The following CUBN variants were observed in gnomAD, a reference collection of about 807,000 sequenced individuals.
The protein encoded by CUBN is cubilin.
In CUBN, 282 loss-of-function variants were observed where a neutral mutation model predicts 405.3. That is an observed-to-expected ratio of 0.70 (90% CI 0.63 to 0.77). CUBN has a LOEUF of 0.77. Among genes scored for constraint, CUBN ranks in the 30% least tolerant of loss-of-function variants. CUBN has a pLI of 0.00. For synonymous variants in CUBN, 1,684 were observed against 1,617.0 expected (o/e 1.04, Z -0.99); for missense variants, 4,514 against 4,475.2 (o/e 1.01, Z -0.25).
intron 4 of CUBN, 117 bp from the exon 5 acceptor site, chr10:17,123,806 C>G: frequency 1.4e-6 from 1 of 696,906 alleles, no homozygotes; most frequent in East Asian, 2.7e-5. Flanking sequence ...TCCTTCTACA[C>G]TTTAAAGCCA....
At chr10:17,058,129 A>AG (rs1285583807) in intron 22 of CUBN, among the ~76,000 whole-genome samples, 4 of 152,066 alleles carry the variant, frequency 2.6e-5, no homozygotes, top group African/African-American at 9.7e-5. Context: ...CAAAAAAAAA[A>AG]GAAGCCAGAC....
At chr10:16,889,778 T>G (rs1840937923) in intron 55 of CUBN, among the ~76,000 whole-genome samples, 1 of 151,546 alleles carries the variant, frequency 6.6e-6, no homozygotes, top group Admixed American at 6.6e-5. Context: ...GGCACACACC[T>G]GTAGTCCCAG....
intron 22 of CUBN, among the ~76,000 whole-genome samples, chr10:17,057,607 G>T (rs924981752): frequency 6.6e-6 from 1 of 151,976 alleles, no homozygotes; most frequent in African/African-American, 2.4e-5. Context: ...GGTATTTTAC[G>T]CAAGAGAATG....
chr10:16,934,289 T>C (rs1196877751), intron 39 of CUBN, among the ~76,000 whole-genome samples: 1 of 152,222 alleles, frequency 6.6e-6, no homozygotes, highest in Non-Finnish European at 1.5e-5. Flanking sequence ...TTAACAATTA[T>C]TTTTGCCATC....
chr10:16,852,355 C>G (rs1270269051), intron 59 of CUBN, among the ~76,000 whole-genome samples: 5 of 135,950 alleles, frequency 3.7e-5, no homozygotes, highest in East Asian at 2.7e-4. Flanking sequence ...CTCTATCTTT[C>G]CCTCCCTCCC....
chr10:16,962,436 A>G (rs1179501460), intron 31 of CUBN, among the ~76,000 whole-genome samples: 1 of 147,368 alleles, frequency 6.8e-6, no homozygotes, highest in Non-Finnish European at 1.5e-5. Context: ...AAATTTTCCA[A>G]CTGGAGATTG....
rs1283893957 is a variant in CUBN, at chr10:16,828,980, G to A, written c.10589C>T (p.Thr3530Ile). The change falls in exon 66 of 67, where the codon ACA (threonine) becomes ATA (isoleucine). Residue 3530 changes from threonine (T) to isoleucine (I), a missense_variant. Thr to Ile is a moderately conservative substitution (Grantham distance 89, BLOSUM62 -1). This residue lies in a region of CUBN where 1,186 missense variants were observed against 1,186.9 expected (regional missense o/e 1.00). Coordinates refer to ENST00000377833, the MANE Select transcript of CUBN (RefSeq NM_001081.4). ...CTCGCAGTACGTGTTGTTTGGGTAT[G>A]TGCCTGGATAGCCGGGGCTGGTGAA... ...GSFTSPGYPG[T>I]YPNNTYCEWV... is the part of the protein sequence containing the mutation. The A allele has an allele frequency of 6.2e-7, 1 of 1,614,194 alleles. No individual in the cohort carries two copies. Among genetic ancestry groups the A allele is most frequent in the South Asian group, 1.1e-5 (1 of 91,076 alleles).
At position 16,851,272 on chromosome 10, in the gene CUBN, G is replaced by T. The variant is rs751376621; in HGVS notation, c.9626C>A (p.Ala3209Glu). The T allele has an allele frequency of 8.7e-6, 14 of 1,614,066 alleles. No homozygotes were observed. The highest frequency in any genetic ancestry group is 1.1e-5 in the Non-Finnish European group (13 of 1,179,954). ...LTFNTFALEA[A>E]STRQRCLYDY... ...ATAAAGGCATCTTTGCCTAGTACTT[G>T]CTGCCTCCAGAGCAAATGTATTGAA... The change falls in exon 60 of 67, where the codon GCA becomes GAA. Residue 3209 changes from alanine (A) to glutamate (E), a missense_variant. Transcript: ENST00000377833.
chr10:17,093,896 A>C (rs149789284), intron 14 of CUBN, among the ~76,000 whole-genome samples: 2 of 152,150 alleles, frequency 1.3e-5, no homozygotes, highest in Non-Finnish European at 2.9e-5. Context: ...GAAGGCAAGA[A>C]TATAAAACCA....
At chr10:16,922,104 T>C (rs1842050774) in intron 43 of CUBN, among the ~76,000 whole-genome samples, 1 of 151,654 alleles carries the variant, frequency 6.6e-6, no homozygotes, top group Non-Finnish European at 1.5e-5. Flanking sequence ...GTCTGCATCT[T>C]AACACTAGAA....
chr10:16,888,400 T>A lies in CUBN; in HGVS notation c.8905+17A>T, dbSNP rs1021674644. ...GTTTGTCAATTAAACGTAATTTTTTTAAAAGAATAAACTTACCTTCTAAGT... is the reference window on the plus strand; with the variant it reads ...GTTTGTCAATTAAACGTAATTTTTTAAAAAGAATAAACTTACCTTCTAAGT... On this transcript the variant is annotated intron_variant, in intron 56 of 66. Coordinates refer to ENST00000377833, the MANE Select transcript of CUBN (RefSeq NM_001081.4). 18 of 1,605,532 alleles carry A rather than the reference T, an allele frequency of 1.1e-5. No individual in the cohort carries two copies. Among genetic ancestry groups the A allele is most frequent in the Non-Finnish European group, 1.4e-5 (17 of 1,172,894 alleles).
At chr10:16,902,308 A>G (rs976035777) in intron 51 of CUBN, among the ~76,000 whole-genome samples, 1 of 142,212 alleles carries the variant, frequency 7.0e-6, no homozygotes, top group African/African-American at 2.6e-5. Flanking sequence ...GTGTATATAT[A>G]GTATATATAT....
chr10:16,976,721 C>A (rs1448479840), intron 31 of CUBN, among the ~76,000 whole-genome samples: 2 of 151,892 alleles, frequency 1.3e-5, no homozygotes, highest in Non-Finnish European at 2.9e-5. Flanking sequence ...TGTGTCTTAA[C>A]CTCTCTTATA....
At chr10:16,979,223 C>T (rs1334902161) in intron 31 of CUBN, among the ~76,000 whole-genome samples, 1 of 152,124 alleles carries the variant, frequency 6.6e-6, no homozygotes, top group African/African-American at 2.4e-5. Context: ...ACATTCCATG[C>T]TCGTGGATAG....
At chr10:17,118,368 T>C (rs1483635110) in intron 6 of CUBN, among the ~76,000 whole-genome samples, 4 of 152,260 alleles carry the variant, frequency 2.6e-5, no homozygotes, top group African/African-American at 9.6e-5. Flanking sequence ...CCATTGTTCC[T>C]GCATGTTATA....
intron 35 of CUBN, 121 bp downstream of exon 35, chr10:16,948,357 G>A: frequency 8.1e-7 from 1 of 1,237,288 alleles, no homozygotes; most frequent in Non-Finnish European, 1.2e-6. Context: ...GGTAAGATTT[G>A]GCCCAGAGGT....
intron 36 of CUBN, among the ~76,000 whole-genome samples, chr10:16,940,942 T>C (rs1411062137): frequency 1.3e-5 from 2 of 152,216 alleles, no homozygotes; most frequent in Non-Finnish European, 2.9e-5. Flanking sequence ...CACCCGCTGG[T>C]GCTTGAATGT....
intron 59 of CUBN, among the ~76,000 whole-genome samples, chr10:16,860,156 C>T (rs763233628): frequency 1.3e-5 from 2 of 151,928 alleles, no homozygotes; most frequent in South Asian, 4.1e-4. Flanking sequence ...ACAAACAAAA[C>T]ACAAATAGTA....
At chr10:16,868,230 G>A (rs993113851) in intron 59 of CUBN, among the ~76,000 whole-genome samples, 1 of 152,142 alleles carries the variant, frequency 6.6e-6, no homozygotes, top group Admixed American at 6.6e-5. Context: ...GATACAATTT[G>A]TCTTGAGGTG....
Sources: allele counts gnomAD v4.1 joint callset (sites outside exome capture counted in the v4.1 genomes callset), GRCh38; gene constraint gnomAD v4.1.1; regional missense constraint gnomAD v4.1.1; transcripts MANE v1.5; gene names NCBI Gene and HGNC (gene_info 2026-07-23, HGNC 2026-07-21).